CHRNA1: variants seen among roughly 807,000 people sequenced by gnomAD.
The protein encoded by CHRNA1 is cholinergic receptor nicotinic alpha 1 subunit.
In CHRNA1, 35 loss-of-function variants were observed where a neutral mutation model predicts 47.1. The ratio of observed to expected loss-of-function variants is 0.74; its 90% CI spans 0.57 to 0.99. The LOEUF (loss-of-function observed/expected upper bound fraction) is 0.99, where lower values mean the gene tolerates loss of function less well. Ranked by LOEUF, CHRNA1 falls within the 50% of genes least tolerant of loss-of-function variation. The probability of loss-of-function intolerance (pLI) is 0.00; values close to 1 mark genes in which losing one functional copy is unlikely to be tolerated. For missense variants in CHRNA1, 506 were observed against 591.1 expected (o/e 0.86, Z 1.49); for synonymous variants, 229 against 223.6 (o/e 1.02, Z -0.22).
At chr2:174,757,165 G>C (rs921149717) in intron 4 of CHRNA1, among the ~76,000 whole-genome samples, 4 of 152,080 alleles carry the variant, frequency 2.6e-5, no homozygotes, top group African/African-American at 7.2e-5. Context: ...TGGGTGCCTT[G>C]GAAAGTTGCC....
In CHRNA1 at chr2:174,747,898, T is replaced by C; in HGVS notation, c.*226A>G. On this transcript the variant is annotated 3_prime_UTR_variant, in exon 9 of 9. Coordinates refer to ENST00000348749, the MANE Select transcript of CHRNA1 (RefSeq NM_000079.4). The stretch of plus-strand genomic sequence containing the variant: ...TTTTTTAGTGATTAGTTTCATTTAC[T>C]AAAGAGGGTTCACTCTTCAGGGAGA... 3.6e-6 allele frequency: 2 copies of C among 548,178 alleles called. No individual in the cohort carries two copies. The allele number at this position is 548,178 out of a possible 1,614,324, so 34.0% of individuals were successfully genotyped here.
rs1163160012 is a variant in CHRNA1, at chr2:174,754,285, A to C, written c.474T>G (p.Asp158Glu). 2 of 1,614,194 alleles carry C rather than the reference A, an allele frequency of 1.2e-6. No individual in the cohort carries two copies. Among genetic ancestry groups the C allele is most frequent in the Non-Finnish European group, 1.7e-6 (2 of 1,180,040 alleles). ...CCAGCTTCATGCTGCAGTTCTGTTC[A>C]TCAAAGGGAAAGTGGGTGACGATGA... ...CEIIVTHFPF[D>E]EQNCSMKLGT... is the part of the protein sequence containing the mutation. Residue 158 changes from aspartate (D) to glutamate (E), a missense_variant, in exon 5 of 9, where the codon GAT (aspartate) becomes GAG (glutamate). By Grantham distance (45) the Asp-to-Glu change is conservative (BLOSUM62 2). Transcript: ENST00000348749.
At chr2:174,754,459 A>G (rs1558912507) in intron 4 of CHRNA1, 45 bp from the exon 5 acceptor site, 3 of 1,555,028 alleles carry the variant, frequency 1.9e-6, no homozygotes, top group Non-Finnish European at 2.7e-6. Flanking sequence ...GTGACAGATG[A>G]GCCTTCCATT....
At chr2:174,759,749 C>G (rs915410694) in intron 1 of CHRNA1, 116 bp from the exon 2 acceptor site, 4 of 1,348,250 alleles carry the variant, frequency 3.0e-6, no homozygotes, top group Non-Finnish European at 4.1e-6. Flanking sequence ...ACAGAAGGCA[C>G]ACAGGCCTCC....
intron 6 of CHRNA1, among the ~76,000 whole-genome samples, chr2:174,752,392 C>T (rs1574005368): frequency 6.6e-6 from 1 of 152,130 alleles, no homozygotes; most frequent in African/African-American, 2.4e-5. Flanking sequence ...CAACATGGTG[C>T]AACCCCGTTT....
At chr2:174,754,612 T>C (rs1683936524) in intron 4 of CHRNA1, among the ~76,000 whole-genome samples, 198 bp from the exon 5 acceptor site, 1 of 152,114 alleles carries the variant, frequency 6.6e-6, no homozygotes, top group Non-Finnish European at 1.5e-5. Flanking sequence ...TTGTTAAAAA[T>C]ACAGAGTTCT....
intron 4 of CHRNA1, 126 bp downstream of exon 4, chr2:174,757,440 G>C: frequency 1.5e-6 from 1 of 675,920 alleles, no homozygotes; most frequent in Non-Finnish European, 2.6e-6. Context: ...ACAGGTGTGA[G>C]CCACCATCCT....
chr2:174,753,541 AAGG>A lies in CHRNA1; in HGVS notation c.737_739del (p.Ser246del). 3 of 1,614,160 alleles carry A rather than the reference AAGG, an allele frequency of 1.9e-6. No homozygotes were observed. Among genetic ancestry groups the A allele is most frequent in the South Asian group, 2.2e-5 (2 of 91,070 alleles). On this transcript the variant is annotated inframe_deletion, in exon 6 of 9. Coordinates refer to ENST00000348749, the MANE Select transcript of CHRNA1 (RefSeq NM_000079.4). Reference sequence around the variant, plus strand: ...CAGGTAGAATACCAGGCCAGTTAAGAAGGAGAAGAGCAGGCAGGGGATGATGAC... The same window carrying A: ...CAGGTAGAATACCAGGCCAGTTAAGAAGAAGAGCAGGCAGGGGATGATGAC...
chr2:174,759,085 T>G (rs186838669), intron 3 of CHRNA1, among the ~76,000 whole-genome samples: 1 of 152,074 alleles, frequency 6.6e-6, no homozygotes, highest in Non-Finnish European at 1.5e-5. Context: ...TATGAGATGA[T>G]AAATTTCTGT....
At chr2:174,759,285 C>T in intron 3 of CHRNA1, 46 bp downstream of exon 3, 2 of 1,595,482 alleles carry the variant, frequency 1.3e-6, no homozygotes, top group Non-Finnish European at 8.6e-7. Flanking sequence ...GGTTTAATTT[C>T]AGTGTGAATG....
chr2:174,762,082 T>C (rs1255079305), intron 1 of CHRNA1, among the ~76,000 whole-genome samples: 1 of 152,206 alleles, frequency 6.6e-6, no homozygotes, highest in Admixed American at 6.5e-5. Flanking sequence ...ATAATCAGCA[T>C]TTCAGAGACA....
chr2:174,764,452 A>G lies in CHRNA1; in HGVS notation c.-58T>C. 3 of 1,567,656 alleles carry G rather than the reference A, an allele frequency of 1.9e-6. No homozygotes were observed. The highest frequency in any genetic ancestry group is 2.7e-5 in the African/African-American group (2 of 74,100). On this transcript the variant is annotated 5_prime_UTR_variant, in exon 1 of 9. Coordinates refer to ENST00000348749, the MANE Select transcript of CHRNA1 (RefSeq NM_000079.4). ...GTGGTGGCCTGTGCTTCTCACTGGCACTCTGGCTGGGTGCTTGTCTGCTGG... is the reference window on the plus strand; with the variant it reads ...GTGGTGGCCTGTGCTTCTCACTGGCGCTCTGGCTGGGTGCTTGTCTGCTGG...
At chr2:174,752,824 T>A (rs1371387292) in intron 6 of CHRNA1, 2 of 153,180 alleles carry the variant, frequency 1.3e-5, no homozygotes, top group Non-Finnish European at 2.9e-5. Context: ...GTCTGTAGCA[T>A]CTTTCTTTTT....
intron 1 of CHRNA1, among the ~76,000 whole-genome samples, chr2:174,761,666 A>G (rs887094669): frequency 1.8e-4 from 27 of 152,210 alleles, no homozygotes; most frequent in African/African-American, 5.8e-4. Flanking sequence ...TCAGTGCCCA[A>G]CCACGCAGAG....
chr2:174,757,733 G>A (rs1389829303), intron 3 of CHRNA1, 58 bp from the exon 4 acceptor site: 1 of 1,434,188 alleles, frequency 7.0e-7, no homozygotes, highest in African/African-American at 1.4e-5. Flanking sequence ...AAAATCTAAG[G>A]TTATCAAGAG....
chr2:174,755,815 C>G (rs1425045147), intron 4 of CHRNA1, among the ~76,000 whole-genome samples: 1 of 152,134 alleles, frequency 6.6e-6, no homozygotes, highest in African/African-American at 2.4e-5. Flanking sequence ...GCAGGAAGAT[C>G]GCTTGAGTCC....
intron 1 of CHRNA1, among the ~76,000 whole-genome samples, chr2:174,762,900 T>C (rs1684123971): frequency 6.6e-6 from 1 of 152,200 alleles, no homozygotes. Context: ...TTTTGAACTG[T>C]TACTAGTCCC....
intron 4 of CHRNA1, among the ~76,000 whole-genome samples, chr2:174,754,836 G>A (rs1683945535): frequency 6.6e-6 from 1 of 150,902 alleles, no homozygotes; most frequent in African/African-American, 2.4e-5. Context: ...AACACCTCCA[G>A]CGACTCATTA....
chr2:174,750,065 C>A lies in CHRNA1; in HGVS notation c.883G>T (p.Gly295Ter). The change falls in exon 7 of 9, where the codon GGA becomes TGA. Residue 295 changes from glycine to a stop codon, truncating the protein, a stop_gained. Transcript: ENST00000348749. LOFTEE classifies it high-confidence loss of function. ...ACCATGGTGAACAGCATGTATTTTC[C>A]AATCAAGGGCACAGCACTGGACGTG... ...PSTSSAVPLI[G>*]KYMLFTMVFV... The A allele has an allele frequency of 6.2e-6, 10 of 1,613,962 alleles. No homozygotes were observed. Among genetic ancestry groups the A allele is most frequent in the Non-Finnish European group, 8.5e-6 (10 of 1,180,010 alleles).
Sources: allele counts gnomAD v4.1 joint callset (sites outside exome capture counted in the v4.1 genomes callset), GRCh38; gene constraint gnomAD v4.1.1; transcripts MANE v1.5; gene names NCBI Gene and HGNC (gene_info 2026-07-23, HGNC 2026-07-21).